NRXN3: variants seen among roughly 807,000 people sequenced by gnomAD.
NRXN3 encodes neurexin III.
A neutral mutation model predicts 137.6 loss-of-function variants in NRXN3; 32 were observed. The ratio of observed to expected loss-of-function variants is 0.23; its 90% confidence interval spans 0.18 to 0.31. The LOEUF is 0.31. Among genes scored for constraint, NRXN3 ranks in the 10% least tolerant of loss-of-function variants. NRXN3 has a pLI of 1.00. For synonymous variants in NRXN3, 798 were observed against 784.5 expected, an observed-to-expected ratio of 1.02 and a Z score of -0.29; for missense variants, 1,574 against 2,062.5, an observed-to-expected ratio of 0.76 and a Z score of 4.59.
intron 15 of NRXN3, among the ~76,000 whole-genome samples, chr14:79,390,144 C>T (rs1473620467): frequency 1.3e-5 from 2 of 151,956 alleles, no homozygotes; most frequent in African/African-American, 4.8e-5. Context: ...AGTGAAACCC[C>T]GTCTCTACTA....
intron 8 of NRXN3, among the ~76,000 whole-genome samples, chr14:78,739,691 C>T (rs576351736): frequency 1.0e-3 from 152 of 152,164 alleles, no homozygotes; most frequent in Admixed American, 1.5e-3. Flanking sequence ...AGGCTGCTCT[C>T]GAACCCCTGA....
At chr14:78,625,671 G>C (rs1041984727) in intron 4 of NRXN3, among the ~76,000 whole-genome samples, 1 of 152,180 alleles carries the variant, frequency 6.6e-6, no homozygotes, top group Non-Finnish European at 1.5e-5. Flanking sequence ...TCCTCCATCA[G>C]AGGTGTAGAA....
At chr14:78,845,042 G>A (rs1168527307) in intron 10 of NRXN3, among the ~76,000 whole-genome samples, 2 of 151,442 alleles carry the variant, frequency 1.3e-5, no homozygotes, top group African/African-American at 2.4e-5. Flanking sequence ...AACCAGTGAT[G>A]TCTGTGATGT....
At chr14:79,797,882 C>T (rs775680404) in intron 19 of NRXN3, among the ~76,000 whole-genome samples, 6 of 152,034 alleles carry the variant, frequency 3.9e-5, no homozygotes, top group Non-Finnish European at 7.4e-5. Flanking sequence ...CGCTTCAGCC[C>T]AGGGGTTAGA....
intron 20 of NRXN3, among the ~76,000 whole-genome samples, chr14:79,828,577 G>T (rs12590855): frequency 7.3e-6 from 1 of 137,852 alleles, no homozygotes; most frequent in Admixed American, 8.0e-5. Context: ...CCGAGATCAC[G>T]CTCTGCACTC....
intron 15 of NRXN3, among the ~76,000 whole-genome samples, chr14:79,113,836 C>T (rs573080354): frequency 1.3e-5 from 2 of 152,266 alleles, no homozygotes; most frequent in East Asian, 3.9e-4. Context: ...AGTTAAAATA[C>T]AGATTTCTGA....
chr14:78,231,455 A>G (rs1169152002), intron 1 of NRXN3: 1 of 152,396 alleles, frequency 6.6e-6, no homozygotes, highest in East Asian at 1.9e-4. Context: ...AAGATACATG[A>G]TTCATGCATG....
chr14:79,259,480 G>T (rs2077238321), intron 15 of NRXN3, among the ~76,000 whole-genome samples: 1 of 150,942 alleles, frequency 6.6e-6, no homozygotes. Flanking sequence ...CGTCAACGTG[G>T]TTGTAGCATC....
chr14:78,565,531 A>G (rs2096828418), intron 4 of NRXN3, among the ~76,000 whole-genome samples: 1 of 152,212 alleles, frequency 6.6e-6, no homozygotes, highest in South Asian at 2.1e-4. Context: ...ATCCCACAAG[A>G]GTTTGTTCTG....
At chr14:79,672,032 A>G (rs943010297) in intron 17 of NRXN3, among the ~76,000 whole-genome samples, 8 of 152,122 alleles carry the variant, frequency 5.3e-5, no homozygotes, top group Non-Finnish European at 1.0e-4. Context: ...ATAAGGATTT[A>G]CATCAGATAA....
At chr14:78,595,783 A>G (rs1253326543) in intron 4 of NRXN3, among the ~76,000 whole-genome samples, 2 of 152,174 alleles carry the variant, frequency 1.3e-5, no homozygotes, top group Non-Finnish European at 2.9e-5. Flanking sequence ...AACTCCTAAG[A>G]AAGATGGAAC....
At chr14:78,388,909 T>A (rs1035710296) in intron 4 of NRXN3, among the ~76,000 whole-genome samples, 1 of 152,112 alleles carries the variant, frequency 6.6e-6, no homozygotes, top group Non-Finnish European at 1.5e-5. Context: ...TCATCATTTT[T>A]TATATATATT....
intron 15 of NRXN3, among the ~76,000 whole-genome samples, chr14:79,375,755 C>T (rs539339356): frequency 6.6e-6 from 1 of 152,070 alleles, no homozygotes; most frequent in African/African-American, 2.4e-5. Context: ...GCATAATATT[C>T]AGTTTAATAA....
At chr14:79,847,083 G>C (rs1272896500) in intron 20 of NRXN3, among the ~76,000 whole-genome samples, 1 of 152,092 alleles carries the variant, frequency 6.6e-6, no homozygotes, top group Non-Finnish European at 1.5e-5. Context: ...CCAAATGAAG[G>C]TTTCATAGTC....
At chr14:79,583,090 G>A (rs1348107741) in intron 16 of NRXN3, among the ~76,000 whole-genome samples, 2 of 152,188 alleles carry the variant, frequency 1.3e-5, no homozygotes, top group Non-Finnish European at 2.9e-5. Flanking sequence ...CACAAAAACA[G>A]TCTAAAGTGT....
intron 15 of NRXN3, among the ~76,000 whole-genome samples, chr14:79,358,607 G>GAGAGAGAGAGAAAGAAAGAA (rs2093538531): frequency 1.3e-5 from 1 of 79,944 alleles, no homozygotes; most frequent in Non-Finnish European, 2.6e-5. Context: ...AAGAAAGAAA[G>GAGAGAGAGAGAAAGAAAGAA]AGAAAGAAAG....
intron 10 of NRXN3, among the ~76,000 whole-genome samples, chr14:78,893,280 G>C (rs528741767): frequency 6.6e-6 from 1 of 152,098 alleles, no homozygotes; most frequent in South Asian, 2.1e-4. Context: ...GCAGGTGGAT[G>C]AGTTGGTTTA....
At chr14:78,545,578 A>G (rs2096630055) in intron 4 of NRXN3, among the ~76,000 whole-genome samples, 1 of 152,220 alleles carries the variant, frequency 6.6e-6, no homozygotes, top group Admixed American at 6.5e-5. Flanking sequence ...AAAATGGGAT[A>G]TTATATACTT....
intron 4 of NRXN3, among the ~76,000 whole-genome samples, chr14:78,369,882 A>G (rs968923118): frequency 1.3e-5 from 2 of 151,460 alleles, no homozygotes; most frequent in African/African-American, 4.9e-5. Context: ...CCAAGTGGCA[A>G]ATTTTAAGAT....
Sources: allele counts gnomAD v4.1 joint callset (sites outside exome capture counted in the v4.1 genomes callset), GRCh38; gene constraint gnomAD v4.1.1; transcripts MANE v1.5; gene names NCBI Gene and HGNC (gene_info 2026-07-23, HGNC 2026-07-21).